The following PARD3 variants were observed in gnomAD, a reference collection of about 807,000 sequenced individuals.
The protein encoded by PARD3 is par-3 family cell polarity regulator, also known as partitioning defective 3 homolog.
A neutral mutation model predicts 155.4 loss-of-function variants in PARD3; 75 were observed. That is an observed-to-expected ratio of 0.48 (90% CI 0.40 to 0.58). The LOEUF (loss-of-function observed/expected upper bound fraction) is 0.58. PARD3 is among the 20% of genes least tolerant of loss of function. The pLI is 0.00. For missense variants in PARD3, 1,642 were observed against 1,721.7 expected (o/e 0.95, Z 0.82); for synonymous variants, 576 against 610.5 (o/e 0.94, Z 0.83).
chr10:34,361,628 T>A (rs1839447830), intron 12 of PARD3, among the ~76,000 whole-genome samples: 2 of 152,232 alleles, frequency 1.3e-5, no homozygotes, highest in South Asian at 2.1e-4. Context: ...GAGTACACTA[T>A]CTGTAAGTGA....
At chr10:34,262,668 A>G (rs1955086608) in intron 22 of PARD3, among the ~76,000 whole-genome samples, 1 of 152,226 alleles carries the variant, frequency 6.6e-6, no homozygotes, top group South Asian at 2.1e-4. Context: ...GAGACGTTCA[A>G]GCTGCCCTAT....
chr10:34,588,536 T>C (rs1319569289), intron 2 of PARD3, among the ~76,000 whole-genome samples: 2 of 152,204 alleles, frequency 1.3e-5, no homozygotes, highest in Admixed American at 1.3e-4. Context: ...ACAACCTCCA[T>C]GTATGAATTT....
intron 20 of PARD3, among the ~76,000 whole-genome samples, chr10:34,315,831 T>C (rs1362849269): frequency 6.6e-6 from 1 of 152,180 alleles, no homozygotes; most frequent in Non-Finnish European, 1.5e-5. Context: ...AATCCCACAG[T>C]TCTGAAGCAC....
intron 2 of PARD3, among the ~76,000 whole-genome samples, chr10:34,546,136 T>A (rs1399826859): frequency 2.0e-5 from 3 of 152,198 alleles, no homozygotes; most frequent in African/African-American, 7.2e-5. Context: ...TACCAACATA[T>A]AGTAACTATT....
At chr10:34,258,211 T>C (rs961852778) in intron 22 of PARD3, among the ~76,000 whole-genome samples, 1 of 152,222 alleles carries the variant, frequency 6.6e-6, no homozygotes, top group African/African-American at 2.4e-5. Context: ...GACATGGTCA[T>C]ATTTTGTTTC....
chr10:34,637,238 T>G (rs901277468), intron 2 of PARD3, among the ~76,000 whole-genome samples: 16 of 152,224 alleles, frequency 1.1e-4, no homozygotes, highest in African/African-American at 3.1e-4. Flanking sequence ...TATTTGCAAG[T>G]ATTTTCCATT....
intron 1 of PARD3, among the ~76,000 whole-genome samples, chr10:34,729,934 AC>A (rs1460488656): frequency 6.6e-6 from 1 of 152,178 alleles, no homozygotes; most frequent in African/African-American, 2.4e-5. Flanking sequence ...AACACATCCA[AC>A]ATCACCTCCC....
At chr10:34,788,585 G>C (rs1841269585) in intron 1 of PARD3, among the ~76,000 whole-genome samples, 1 of 151,994 alleles carries the variant, frequency 6.6e-6, no homozygotes, top group African/African-American at 2.4e-5. Context: ...AAGTAGCTGG[G>C]ACTACAGGCA....
intron 2 of PARD3, among the ~76,000 whole-genome samples, chr10:34,636,810 A>G (rs1372550090): frequency 6.6e-6 from 1 of 152,222 alleles, no homozygotes; most frequent in Non-Finnish European, 1.5e-5. Context: ...GAGGGTGCAC[A>G]GCTGCACACG....
intron 2 of PARD3, among the ~76,000 whole-genome samples, chr10:34,570,981 C>G (rs1410547577): frequency 6.6e-6 from 1 of 152,070 alleles, no homozygotes; most frequent in Admixed American, 6.6e-5. Flanking sequence ...GTGGAAGGGG[C>G]AGAACTACAC....
At chr10:34,256,472 G>A (rs965493489) in intron 22 of PARD3, among the ~76,000 whole-genome samples, 1 of 152,222 alleles carries the variant, frequency 6.6e-6, no homozygotes, top group Admixed American at 6.5e-5. Context: ...TGATAAGGAA[G>A]TGCAGTCTCA....
intron 14 of PARD3, among the ~76,000 whole-genome samples, chr10:34,352,294 A>G (rs1193268269): frequency 6.6e-6 from 1 of 152,154 alleles, no homozygotes; most frequent in African/African-American, 2.4e-5. Context: ...AAAATCTTCA[A>G]CAGAGTGTCA....
intron 5 of PARD3, among the ~76,000 whole-genome samples, chr10:34,445,986 T>C (rs2076719671): frequency 6.6e-6 from 1 of 152,116 alleles, no homozygotes; most frequent in East Asian, 1.9e-4. Context: ...CCTATACTGG[T>C]GCTTTTACTC....
At chr10:34,230,665 C>A (rs547255531) in intron 22 of PARD3, among the ~76,000 whole-genome samples, 1 of 152,038 alleles carries the variant, frequency 6.6e-6, no homozygotes, top group Non-Finnish European at 1.5e-5. Flanking sequence ...AACTCTTTTT[C>A]TCTCTATTCT....
At chr10:34,724,046 G>A (rs979634493) in intron 1 of PARD3, among the ~76,000 whole-genome samples, 2 of 152,198 alleles carry the variant, frequency 1.3e-5, no homozygotes, top group African/African-American at 4.8e-5. Context: ...AGGGAAACAG[G>A]AGTGCACATC....
chr10:34,412,348 C>T (rs1845174748), intron 5 of PARD3, among the ~76,000 whole-genome samples: 1 of 152,112 alleles, frequency 6.6e-6, no homozygotes, highest in African/African-American at 2.4e-5. Context: ...GATGCTGATA[C>T]AAGAGAATAA....
chr10:34,788,598 C>T (rs1266930561), intron 1 of PARD3, among the ~76,000 whole-genome samples: 1 of 152,050 alleles, frequency 6.6e-6, no homozygotes, highest in Non-Finnish European at 1.5e-5. Context: ...TACAGGCATG[C>T]ACCACCATGC....
chr10:34,752,767 A>G (rs151074217), intron 1 of PARD3, among the ~76,000 whole-genome samples: 15 of 152,334 alleles, frequency 9.8e-5, no homozygotes, highest in Middle Eastern at 3.4e-3. Flanking sequence ...CACACAACTT[A>G]AAGTGGAAAA....
At chr10:34,391,584 T>C (rs1263614347) in intron 7 of PARD3, among the ~76,000 whole-genome samples, 3 of 152,206 alleles carry the variant, frequency 2.0e-5, no homozygotes, top group Non-Finnish European at 4.4e-5. Context: ...CCAAAGATGT[T>C]TGACTACTAG....
Sources: allele counts gnomAD v4.1 joint callset (sites outside exome capture counted in the v4.1 genomes callset), GRCh38; gene constraint gnomAD v4.1.1; transcripts MANE v1.5; gene names NCBI Gene and HGNC (gene_info 2026-07-23, HGNC 2026-07-21).